The following PPP3R1 variants were observed in gnomAD, a reference collection of about 807,000 sequenced individuals.
The protein encoded by PPP3R1 is protein phosphatase 3 regulatory subunit B, alpha.
A neutral mutation model predicts 22.6 loss-of-function variants in PPP3R1; 5 were observed. The ratio of observed to expected loss-of-function variants is 0.22; its 90% CI spans 0.12 to 0.46. The LOEUF (loss-of-function observed/expected upper bound fraction) is 0.46, where lower values mean the gene tolerates loss of function less well. PPP3R1 is among the 20% of genes least tolerant of loss of function. The pLI, the probability that PPP3R1 is intolerant of heterozygous loss-of-function variation, is 0.99. For synonymous variants in PPP3R1, 56 were observed against 65.2 expected, an observed-to-expected ratio of 0.86 and a Z score of 0.68; for missense variants, 61 against 203.2, an observed-to-expected ratio of 0.30 and a Z score of 4.25.
chr2:68,241,451 G>A (rs915225465), intron 1 of PPP3R1, among the ~76,000 whole-genome samples: 5 of 152,110 alleles, frequency 3.3e-5, no homozygotes, highest in Non-Finnish European at 7.3e-5. Context: ...AAGGTCTAGA[G>A]AGCTTATGAT....
In PPP3R1 at chr2:68,198,353, A is replaced by G. The variant is rs1229190764; in HGVS notation, c.44-9663T>C. 9.6e-5 allele frequency among the ~76,000 whole-genome samples: 7 copies of G among 73,292 alleles called. 1 individual carries two copies. In the South Asian group the frequency reaches 1.2e-3, roughly 13 times the overall value. The allele number at this position is 73,292 out of a possible 152,430, so 48.1% of individuals were successfully genotyped here. On this transcript the variant is annotated intron_variant, in intron 2 of 5. Coordinates refer to ENST00000234310, the MANE Select transcript of PPP3R1 (RefSeq NM_000945.4). ...TGTACATATATGTACATGTATATGC[A>G]TATATATGTACATATATGTACATGT...
rs188709471 is a variant in PPP3R1, at chr2:68,190,304, C to T, written c.44-1614G>A. Among the ~76,000 whole-genome samples, 317 of 149,468 alleles carry T rather than the reference C, an allele frequency of 2.1e-3. 4 individuals are homozygous for T. The highest frequency in any genetic ancestry group is 7.6e-3 in the African/African-American group (310 of 40,660). ...AAAAGGCCGGGTGCAGTGGCTCACGCCTGTAATCCTAGCACTTCAGGAGGC... is the reference window on the plus strand; with the variant it reads ...AAAAGGCCGGGTGCAGTGGCTCACGTCTGTAATCCTAGCACTTCAGGAGGC... On this transcript the variant is annotated intron_variant, in intron 2 of 5. Transcript: ENST00000234310.
intron 2 of PPP3R1, among the ~76,000 whole-genome samples, chr2:68,206,676 T>C (rs1013759695): frequency 6.6e-6 from 1 of 152,230 alleles, no homozygotes; most frequent in Non-Finnish European, 1.5e-5. Context: ...TTTTCCTCCT[T>C]GGAACCTGTG....
intron 1 of PPP3R1, among the ~76,000 whole-genome samples, chr2:68,240,906 C>T (rs1287963861): frequency 1.3e-5 from 2 of 152,124 alleles, no homozygotes. Flanking sequence ...AGGCTGGAAA[C>T]AGACTAAAAA....
At chr2:68,220,080 C>T (rs1239609620) in intron 1 of PPP3R1, among the ~76,000 whole-genome samples, 1 of 152,120 alleles carries the variant, frequency 6.6e-6, no homozygotes, top group Non-Finnish European at 1.5e-5. Context: ...CAGGCATTTT[C>T]TGTGATCATC....
intron 2 of PPP3R1, among the ~76,000 whole-genome samples, chr2:68,198,399 A>ATGCGTG (rs1674874539): frequency 5.6e-5 from 5 of 88,540 alleles, no homozygotes; most frequent in Admixed American, 3.8e-4. Flanking sequence ...ATATGTATAT[A>ATGCGTG]TATGTGTATG....
intron 2 of PPP3R1, among the ~76,000 whole-genome samples, chr2:68,214,015 A>T (rs1266224333): frequency 6.6e-6 from 1 of 152,142 alleles, no homozygotes; most frequent in African/African-American, 2.4e-5. Flanking sequence ...CACACCTACA[A>T]CAAATTTGAC....
intron 2 of PPP3R1, among the ~76,000 whole-genome samples, chr2:68,200,966 T>C (rs1363383328): frequency 1.3e-5 from 2 of 152,352 alleles, no homozygotes; most frequent in East Asian, 1.9e-4. Context: ...CATAATATGA[T>C]ACAAATATAC....
At chr2:68,235,558 G>C (rs1040401656) in intron 1 of PPP3R1, among the ~76,000 whole-genome samples, 5 of 152,040 alleles carry the variant, frequency 3.3e-5, no homozygotes, top group African/African-American at 1.2e-4. Context: ...TTTTACTAAT[G>C]AACATTTCAT....
chr2:68,198,148 T>C (rs373070159), intron 2 of PPP3R1, among the ~76,000 whole-genome samples: 3 of 124,978 alleles, frequency 2.4e-5, no homozygotes, highest in East Asian at 2.6e-4. Context: ...ACATATACAA[T>C]ACACATATAT....
intron 2 of PPP3R1, among the ~76,000 whole-genome samples, chr2:68,189,161 T>A (rs2103723467): frequency 6.6e-6 from 1 of 152,364 alleles, no homozygotes; most frequent in South Asian, 2.1e-4. Flanking sequence ...TAATAGTTCA[T>A]GACTCAAAAA....
chr2:68,197,054 T>G (rs921827771), intron 2 of PPP3R1, among the ~76,000 whole-genome samples: 7 of 152,166 alleles, frequency 4.6e-5, no homozygotes, highest in Non-Finnish European at 8.8e-5. Flanking sequence ...TAAGCCAACT[T>G]TGAGGAATAA....
chr2:68,236,264 T>A (rs112834562), intron 1 of PPP3R1, among the ~76,000 whole-genome samples: 2,697 of 152,256 alleles, frequency 0.018, 87 homozygotes, highest in African/African-American at 0.061. Flanking sequence ...GTTTGTAAAG[T>A]TTTATTGGCA....
chr2:68,229,936 ATGTG>A (rs1321043715), intron 1 of PPP3R1, among the ~76,000 whole-genome samples: 3 of 143,746 alleles, frequency 2.1e-5, no homozygotes, highest in African/African-American at 7.8e-5. Context: ...ATGTGTGTGT[ATGTG>A]TGTATATATG....
chr2:68,246,209 G>A lies in PPP3R1; in HGVS notation c.3+5916C>T, dbSNP rs1012478823. ...CCTGCCTCAGCCTCCTAAGTAGCTG[G>A]CATTACAGGCACGCGTCACCAAACC... On this transcript the variant is annotated intron_variant, in intron 1 of 5. Transcript: ENST00000234310. Among the ~76,000 whole-genome samples the A allele has an allele frequency of 9.3e-5, 14 of 151,074 alleles. No homozygotes were observed. In the East Asian group the frequency reaches 1.9e-3, roughly 21 times the overall value.
intron 1 of PPP3R1, among the ~76,000 whole-genome samples, chr2:68,228,054 G>C (rs1255214750): frequency 6.6e-6 from 1 of 152,140 alleles, no homozygotes; most frequent in Non-Finnish European, 1.5e-5. Flanking sequence ...AGAAAGTACT[G>C]TCTTTTGCCA....
chr2:68,178,923 C>T lies in PPP3R1; in HGVS notation c.*2040G>A, dbSNP rs367782147. 6.7e-6 allele frequency: 1 copy of T among 148,976 alleles called. No individual in the cohort carries two copies. The highest frequency in any genetic ancestry group is 2.0e-4 in the East Asian group (1 of 5,116). 9.2% of individuals were successfully genotyped at this position (148,976 alleles called of 1,614,324 possible). Reference sequence around the variant, plus strand: ...GTTTTCTAAAGATCCCACAACATGACGTATCATGCAGAAGAAAAACTAAAC... The same window carrying T: ...GTTTTCTAAAGATCCCACAACATGATGTATCATGCAGAAGAAAAACTAAAC... On this transcript the variant is annotated 3_prime_UTR_variant, in exon 6 of 6. Transcript: ENST00000234310.
intron 1 of PPP3R1, among the ~76,000 whole-genome samples, chr2:68,243,399 A>G (rs1670169488): frequency 6.6e-6 from 1 of 152,148 alleles, no homozygotes; most frequent in South Asian, 2.1e-4. Context: ...TATGGAGAAA[A>G]TTCAGAAAGG....
intron 2 of PPP3R1, among the ~76,000 whole-genome samples, chr2:68,189,564 A>AT (rs1674618152): frequency 6.6e-6 from 1 of 152,274 alleles, no homozygotes; most frequent in African/African-American, 2.4e-5. Context: ...TTACAAATAT[A>AT]TTTTTTAAAT....
Sources: gnomAD v4.1 joint callset for allele counts (sites outside exome capture counted in the v4.1 genomes callset) on GRCh38, gnomAD v4.1.1 for gene constraint, MANE v1.5 for transcripts, NCBI Gene and HGNC (gene_info 2026-07-23, HGNC 2026-07-21) for gene names.